The following FNIP1 variants were observed in gnomAD, a reference collection of about 807,000 sequenced individuals.
The protein encoded by FNIP1 is folliculin-interacting protein 1.
Under a neutral mutation model 124.5 loss-of-function variants are expected in FNIP1, and 40 were observed. The ratio of observed to expected loss-of-function variants is 0.32; its 90% CI spans 0.25 to 0.42. FNIP1 has a LOEUF of 0.42. Ranked by LOEUF, FNIP1 falls within the 10% of genes least tolerant of loss-of-function variation. The pLI is 1.00. For synonymous variants in FNIP1, 472 were observed against 470.6 expected (o/e 1.00, Z -0.04); for missense variants, 1,176 against 1,403.7 (o/e 0.84, Z 2.59).
chr5:131,645,719 T>C (rs1766861182), intron 17 of FNIP1, among the ~76,000 whole-genome samples: 1 of 152,242 alleles, frequency 6.6e-6, no homozygotes, highest in African/African-American at 2.4e-5. Context: ...GAGACTTATA[T>C]TCAGTCTGGC....
chr5:131,708,283 C>A (rs1769180941), intron 8 of FNIP1, among the ~76,000 whole-genome samples: 1 of 152,248 alleles, frequency 6.6e-6, no homozygotes, highest in African/African-American at 2.4e-5. Flanking sequence ...TTAGATTTTT[C>A]ATTTATACTC....
Position 131,705,294 on chromosome 5 carries a change from C to T in FNIP1, c.915-1028G>A, listed in dbSNP as rs146441165. On this transcript the variant is annotated intron_variant, in intron 9 of 17. Transcript: ENST00000510461. ...TACTAACCTGGGCAACATGGCGAAA[C>T]CCCATCTCTAAAAAAAAAGAAAAAA... 4.5e-3 allele frequency among the ~76,000 whole-genome samples: 679 copies of T among 151,318 alleles called. 6 individuals are homozygous for T. The highest frequency in any genetic ancestry group is 0.016 in the African/African-American group (657 of 41,222).
chr5:131,672,142 G>A lies in FNIP1; in HGVS notation c.2302C>T (p.Arg768Ter). The change falls in exon 14 of 18, where the codon CGA (arginine) becomes TGA (stop). Residue 768 changes from arginine (R) to a stop codon, truncating the protein, a stop_gained. Transcript: ENST00000510461. LOFTEE classifies it high-confidence loss of function. ...SMSPDSDTEL[R>*]SQAVVDQITR... ...ATCTGATCCACCACTGCCTGACTTC[G>A]AAGCTCAGTATCTGAATCAGGTGAC... The A allele has an allele frequency of 6.2e-7, 1 of 1,614,140 alleles. No individual in the cohort carries two copies. The highest frequency in any genetic ancestry group is 8.5e-7 in the Non-Finnish European group (1 of 1,180,028).
At chr5:131,775,596 C>T (rs1232686293) in intron 1 of FNIP1, among the ~76,000 whole-genome samples, 4 of 148,344 alleles carry the variant, frequency 2.7e-5, no homozygotes, top group Non-Finnish European at 5.9e-5. Context: ...GGCGCACTCT[C>T]GGCTCAATGC....
intron 11 of FNIP1, among the ~76,000 whole-genome samples, chr5:131,681,696 A>G (rs1768087702): frequency 6.6e-6 from 1 of 151,410 alleles, no homozygotes; most frequent in African/African-American, 2.4e-5. Context: ...AAAACAAAAC[A>G]TTCACAAAAA....
At chr5:131,666,420 T>C (rs751441730) in intron 15 of FNIP1, among the ~76,000 whole-genome samples, 3 of 152,176 alleles carry the variant, frequency 2.0e-5, no homozygotes, top group African/African-American at 7.2e-5. Context: ...CTTTTTACCA[T>C]AGTGGAAGGA....
chr5:131,752,938 G>A (rs1770927986), intron 1 of FNIP1, among the ~76,000 whole-genome samples: 1 of 152,140 alleles, frequency 6.6e-6, no homozygotes, highest in Admixed American at 6.5e-5. Context: ...CAGGTGTGGT[G>A]GTGCATGCCT....
Position 131,690,696 on chromosome 5 carries a change from C to T in FNIP1, c.1202+8221G>A, listed in dbSNP as rs147717884. Among the ~76,000 whole-genome samples the T allele has an allele frequency of 6.2e-4, 94 of 152,070 alleles. 1 individual carries two copies. Among genetic ancestry groups the T allele is most frequent in the Non-Finnish European group, 1.1e-3 (72 of 67,992 alleles). On this transcript the variant is annotated intron_variant, in intron 11 of 17. Coordinates refer to ENST00000510461, the MANE Select transcript of FNIP1 (RefSeq NM_133372.3). ...TCTTGGGCAGTTCTTTATAGCAGTA[C>T]GAAAATGGACTAATAGCCGTGTTAA...
intron 11 of FNIP1, among the ~76,000 whole-genome samples, chr5:131,698,236 T>C (rs1768774254): frequency 6.6e-6 from 1 of 152,156 alleles, no homozygotes; most frequent in African/African-American, 2.4e-5. Context: ...GAGTCTTAGT[T>C]TTCACTCCCT....
rs765459688 is a variant in FNIP1, at chr5:131,693,345, T to TATAC, written c.1202+5571_1202+5572insGTAT. On this transcript the variant is annotated intron_variant, in intron 11 of 17. Transcript: ENST00000510461. Reference sequence around the variant, plus strand: ...ATATATATATATACATATATATATATATATATATATATATATAGTTACAGA... The same window carrying TATAC: ...ATATATATATATACATATATATATATATACATATATATATATATATAGTTACAGA... Among the ~76,000 whole-genome samples the TATAC allele has an allele frequency of 3.8e-3, 499 of 130,550 alleles. 10 individuals are homozygous for TATAC. The highest frequency in any genetic ancestry group is 6.2e-3 in the Non-Finnish European group (383 of 62,170). The allele number at this position is 130,550 out of a possible 152,430, so 85.6% of individuals were successfully genotyped here.
rs755085401 is a variant in FNIP1, at chr5:131,644,678, A to G, written c.*7T>C. 1 of 1,611,872 alleles carries G rather than the reference A, an allele frequency of 6.2e-7. No homozygotes were observed. Among genetic ancestry groups the G allele is most frequent in the Admixed American group, 1.7e-5 (1 of 59,936 alleles). ...TTCCCACCAATTTCTAACAATTTTT[A>G]GGTATATTAAAGGAGTATTTGTGCA... On this transcript the variant is annotated 3_prime_UTR_variant, in exon 18 of 18. Coordinates refer to ENST00000510461, the MANE Select transcript of FNIP1 (RefSeq NM_133372.3).
intron 15 of FNIP1, among the ~76,000 whole-genome samples, chr5:131,658,907 C>CAAAAAAAAAAAAAAAAAAA (rs70974003): frequency 2.4e-5 from 1 of 41,182 alleles, no homozygotes; most frequent in African/African-American, 1.0e-4. Flanking sequence ...TGGGTCTAGC[C>CAAAAAAAAAAAAAAAAAAA]AAAAAAAAAA....
At chr5:131,720,678 A>G (rs573130586) in intron 3 of FNIP1, among the ~76,000 whole-genome samples, 25 of 152,360 alleles carry the variant, frequency 1.6e-4, no homozygotes, top group African/African-American at 5.8e-4. Flanking sequence ...GTAAAAACTA[A>G]TAACGCAATT....
intron 2 of FNIP1, among the ~76,000 whole-genome samples, chr5:131,736,677 G>A (rs896284742): frequency 4.6e-5 from 7 of 152,194 alleles, no homozygotes; most frequent in African/African-American, 1.7e-4. Flanking sequence ...TCTCTAAAGA[G>A]ATACAACAAA....
rs77753138 is a variant in FNIP1 at position 131,707,513 on chromosome 5, T to C, written c.779-967A>G. On this transcript the variant is annotated intron_variant, in intron 8 of 17. Coordinates refer to ENST00000510461, the MANE Select transcript of FNIP1 (RefSeq NM_133372.3). ...ATCTATTCATTTGAATTCTGACAAATTCAATGATAGAGGATAAAGCTGTAT... is the reference window on the plus strand; with the variant it reads ...ATCTATTCATTTGAATTCTGACAAACTCAATGATAGAGGATAAAGCTGTAT... Among the ~76,000 whole-genome samples the C allele has an allele frequency of 4.9e-3, 749 of 152,292 alleles. 8 individuals are homozygous for C. The highest frequency in any genetic ancestry group is 0.017 in the African/African-American group (712 of 41,556).
chr5:131,767,410 A>G (rs1386455974), intron 1 of FNIP1, among the ~76,000 whole-genome samples: 1 of 135,818 alleles, frequency 7.4e-6, no homozygotes, highest in Non-Finnish European at 1.6e-5. Flanking sequence ...GCCTGGTGAC[A>G]GAGTGAGATT....
At chr5:131,718,385 C>T (rs553587104) in intron 5 of FNIP1, among the ~76,000 whole-genome samples, 1 of 152,122 alleles carries the variant, frequency 6.6e-6, no homozygotes, top group Non-Finnish European at 1.5e-5. Context: ...TCTGACTAGC[C>T]AATGAGTCTT....
At chr5:131,697,864 G>A (rs564850848) in intron 11 of FNIP1, among the ~76,000 whole-genome samples, 8 of 151,062 alleles carry the variant, frequency 5.3e-5, no homozygotes, top group Admixed American at 6.6e-5. Flanking sequence ...AGCTACTGAG[G>A]AGGCTGAGGC....
At chr5:131,776,786 C>T (rs1771822115) in intron 1 of FNIP1, among the ~76,000 whole-genome samples, 1 of 152,128 alleles carries the variant, frequency 6.6e-6, no homozygotes, top group South Asian at 2.1e-4. Flanking sequence ...ACTAGAAAGG[C>T]AAATGAAGTA....
Sources: allele counts gnomAD v4.1 joint callset (sites outside exome capture counted in the v4.1 genomes callset), GRCh38; gene constraint gnomAD v4.1.1; transcripts MANE v1.5; gene names NCBI Gene and HGNC (gene_info 2026-07-23, HGNC 2026-07-21).